Variants in PDE4D observed in about 807,000 individuals in gnomAD.
PDE4D encodes the protein 3',5'-cyclic-AMP phosphodiesterase 4D.
Under a neutral mutation model 87.4 loss-of-function variants are expected in PDE4D, and 24 were observed. The ratio of observed to expected loss-of-function variants is 0.27; its 90% CI spans 0.20 to 0.39. The LOEUF (loss-of-function observed/expected upper bound fraction) is 0.39, where lower values mean the gene tolerates loss of function less well. Among genes scored for constraint, PDE4D ranks in the 10% least tolerant of loss-of-function variants. PDE4D has a pLI of 1.00. For missense variants in PDE4D, 714 were observed against 1,041.0 expected, an observed-to-expected ratio of 0.69 and a Z score of 4.32; for synonymous variants, 384 against 383.2, an observed-to-expected ratio of 1.00 and a Z score of -0.02.
intron 5 of PDE4D, among the ~76,000 whole-genome samples, chr5:59,074,812 C>T (rs1765417288): frequency 6.6e-6 from 1 of 151,982 alleles, no homozygotes; most frequent in African/African-American, 2.4e-5. Context: ...GATTGAAAAC[C>T]AGTCCTGGAG....
At chr5:60,223,936 G>A (rs1744788374) in intron 1 of PDE4D, among the ~76,000 whole-genome samples, 1 of 152,036 alleles carries the variant, frequency 6.6e-6, no homozygotes, top group Non-Finnish European at 1.5e-5. Flanking sequence ...GTGAAATGAA[G>A]GTTCCTCACC....
intron 5 of PDE4D, among the ~76,000 whole-genome samples, chr5:59,046,782 A>T (rs1299457425): frequency 6.6e-6 from 1 of 152,202 alleles, no homozygotes; most frequent in Non-Finnish European, 1.5e-5. Context: ...AAGAGGAGAA[A>T]GCTTTTATAA....
chr5:59,548,291 T>C (rs931819992), intron 1 of PDE4D, among the ~76,000 whole-genome samples: 18 of 152,216 alleles, frequency 1.2e-4, no homozygotes, highest in African/African-American at 3.6e-4. Flanking sequence ...CTTGATATGA[T>C]GCAAGTTCAC....
At chr5:59,304,026 G>A (rs559187982) in intron 1 of PDE4D, among the ~76,000 whole-genome samples, 152 of 152,238 alleles carry the variant, frequency 1.0e-3, no homozygotes, top group African/African-American at 3.2e-3. Flanking sequence ...CCATGATCAC[G>A]GGATGTGTTC....
intron 1 of PDE4D, among the ~76,000 whole-genome samples, chr5:59,459,518 T>C (rs572865391): frequency 2.6e-4 from 39 of 152,216 alleles, no homozygotes; most frequent in Non-Finnish European, 4.7e-4. Context: ...ATCAGTATTT[T>C]AATATTACCC....
intron 1 of PDE4D, among the ~76,000 whole-genome samples, chr5:59,743,800 T>C (rs758016946): frequency 1.2e-4 from 19 of 152,222 alleles, no homozygotes; most frequent in South Asian, 6.2e-4. Flanking sequence ...TTTCCTTTCA[T>C]TGAGCACTAC....
chr5:59,152,515 A>G (rs1248688108), intron 5 of PDE4D, among the ~76,000 whole-genome samples: 6 of 152,192 alleles, frequency 3.9e-5, no homozygotes, highest in Non-Finnish European at 5.9e-5. Flanking sequence ...AATAGTTTGC[A>G]AAACAGATGT....
At chr5:60,139,075 A>G (rs1780300204) in intron 2 of PDE4D, among the ~76,000 whole-genome samples, 1 of 151,214 alleles carries the variant, frequency 6.6e-6, no homozygotes, top group Non-Finnish European at 1.5e-5. Context: ...GGAAGCTAGG[A>G]TGGTTCTAAG....
At chr5:59,143,552 G>A (rs539125372) in intron 5 of PDE4D, among the ~76,000 whole-genome samples, 83 of 152,262 alleles carry the variant, frequency 5.5e-4, no homozygotes, top group Admixed American at 1.1e-3. Context: ...AGCAGTGAAG[G>A]TTAAATAATA....
At chr5:59,459,060 A>G (rs1042105415) in intron 1 of PDE4D, among the ~76,000 whole-genome samples, 1 of 152,210 alleles carries the variant, frequency 6.6e-6, no homozygotes, top group Non-Finnish European at 1.5e-5. Flanking sequence ...ATTTTTATAG[A>G]ATAAAAACTG....
chr5:59,625,787 T>C lies in PDE4D; in HGVS notation c.455+267381A>G, dbSNP rs62355587. Among the ~76,000 whole-genome samples the C allele has an allele frequency of 3.2e-3, 486 of 152,230 alleles. 5 individuals are homozygous for C. The highest frequency in any genetic ancestry group is 0.017 in the Middle Eastern group (5 of 294). On this transcript the variant is annotated intron_variant, in intron 1 of 14. Coordinates refer to ENST00000340635, the MANE Select transcript of PDE4D (RefSeq NM_001104631.2). ...TATTATTCATGGATTCTTTATGGCATTACAAACCAATGACTGGGCGCGGTG... is the reference window on the plus strand; with the variant it reads ...TATTATTCATGGATTCTTTATGGCACTACAAACCAATGACTGGGCGCGGTG...
intron 1 of PDE4D, among the ~76,000 whole-genome samples, chr5:59,748,249 A>C (rs1284742852): frequency 6.6e-6 from 1 of 152,150 alleles, no homozygotes; most frequent in Non-Finnish European, 1.5e-5. Context: ...CACTCTCTTG[A>C]ATCACTGACT....
chr5:59,543,253 C>T (rs1205752853), intron 1 of PDE4D, among the ~76,000 whole-genome samples: 1 of 152,136 alleles, frequency 6.6e-6, no homozygotes, highest in Non-Finnish European at 1.5e-5. Flanking sequence ...GTAGATTACA[C>T]TATCTGAATT....
chr5:60,330,657 A>G (rs781703737), intron 1 of PDE4D, among the ~76,000 whole-genome samples: 3 of 152,184 alleles, frequency 2.0e-5, no homozygotes, highest in Non-Finnish European at 4.4e-5. Flanking sequence ...CATTCTCACA[A>G]CTTCTTGAAT....
chr5:59,131,643 C>T (rs1321147026), intron 5 of PDE4D, among the ~76,000 whole-genome samples: 3 of 120,368 alleles, frequency 2.5e-5, no homozygotes, highest in African/African-American at 8.9e-5. Context: ...CACACACACA[C>T]ACATTAATGA....
At chr5:60,154,171 A>G (rs566626838) in intron 2 of PDE4D, among the ~76,000 whole-genome samples, 2 of 152,378 alleles carry the variant, frequency 1.3e-5, no homozygotes, top group South Asian at 4.1e-4. Flanking sequence ...CCATGGCATC[A>G]TGAGATCATA....
chr5:60,111,372 AC>A (rs1462212851), intron 2 of PDE4D, among the ~76,000 whole-genome samples: 5 of 152,030 alleles, frequency 3.3e-5, no homozygotes, highest in Non-Finnish European at 5.9e-5. Context: ...TATTAATGAT[AC>A]TATAAGTACT....
chr5:59,567,421 T>C (rs1318176099), intron 1 of PDE4D, among the ~76,000 whole-genome samples: 3 of 152,210 alleles, frequency 2.0e-5, no homozygotes, highest in Non-Finnish European at 2.9e-5. Context: ...ATCATAGATA[T>C]AGTTGTCATA....
intron 1 of PDE4D, among the ~76,000 whole-genome samples, chr5:60,239,136 G>A (rs1025207519): frequency 6.6e-6 from 1 of 151,870 alleles, no homozygotes; most frequent in Non-Finnish European, 1.5e-5. Context: ...CATTCCACAT[G>A]GGATTTAATT....
Sources: allele counts gnomAD v4.1 joint callset (sites outside exome capture counted in the v4.1 genomes callset), GRCh38; gene constraint gnomAD v4.1.1; transcripts MANE v1.5; gene names NCBI Gene and HGNC (gene_info 2026-07-23, HGNC 2026-07-21).